CCDC83: variants seen among roughly 807,000 people sequenced by gnomAD.
CCDC83 encodes the protein coiled-coil domain containing 83.
Under a neutral mutation model 50.1 loss-of-function variants are expected in CCDC83, and 54 were observed. The ratio of observed to expected loss-of-function variants is 1.08; its 90% confidence interval spans 0.87 to 1.35. The LOEUF (loss-of-function observed/expected upper bound fraction) is 1.35, where lower values mean the gene tolerates loss of function less well. Ranked by LOEUF, CCDC83 falls within the 40% of genes most tolerant of loss-of-function variation. The pLI, the probability that CCDC83 is intolerant of heterozygous loss-of-function variation, is 0.00. For synonymous variants in CCDC83, 161 were observed against 153.3 expected (o/e 1.05, Z -0.37); for missense variants, 518 against 473.9 (o/e 1.09, Z -0.86).
In CCDC83 at chr11:85,892,849, C is replaced by T. The variant is rs574204763; in HGVS notation, c.512-2444C>T. 7.4e-4 allele frequency among the ~76,000 whole-genome samples: 112 copies of T among 152,240 alleles called. 1 individual carries two copies. The highest frequency in any genetic ancestry group is 1.0e-3 in the Non-Finnish European group (71 of 68,018). On this transcript the variant is annotated intron_variant, in intron 5 of 10. Transcript: ENST00000342404. ...GATTAGTTCAAATAAGTAAGAAAAA[C>T]GCAGGCTGTATAAACAGGAATATGT...
chr11:85,890,114 G>C (rs1294462803), intron 5 of CCDC83, among the ~76,000 whole-genome samples: 1 of 152,194 alleles, frequency 6.6e-6, no homozygotes, highest in Admixed American at 6.5e-5. Flanking sequence ...TGGGTGAAAG[G>C]TCTTCAGAGA....
upstream of CCDC83, chr11:85,855,236 C>T (rs907016640): frequency 6.6e-6 from 1 of 152,348 alleles, no homozygotes; most frequent in Non-Finnish European, 1.5e-5. Flanking sequence ...GACTGGCTGG[C>T]CTCTTTTCTT....
intron 3 of CCDC83, among the ~76,000 whole-genome samples, chr11:85,880,132 T>G (rs1033937904): frequency 1.3e-5 from 2 of 152,220 alleles, no homozygotes; most frequent in Admixed American, 1.3e-4. Context: ...CTTGTATATA[T>G]TTGCCCCCTG....
At chr11:85,913,003 T>C (rs1565157647) in intron 8 of CCDC83, among the ~76,000 whole-genome samples, 1 of 152,184 alleles carries the variant, frequency 6.6e-6, no homozygotes. Flanking sequence ...GGGATTTTCA[T>C]TGAGTTGTTT....
In CCDC83 at chr11:85,874,509, A is replaced by T. The variant is rs564618778; in HGVS notation, c.180+1214A>T. Among the ~76,000 whole-genome samples the T allele has an allele frequency of 7.9e-5, 12 of 152,354 alleles. 1 individual carries two copies. In the South Asian group the frequency reaches 2.5e-3, roughly 32 times the overall value. On this transcript the variant is annotated intron_variant, in intron 3 of 10. Coordinates refer to ENST00000342404, the MANE Select transcript of CCDC83 (RefSeq NM_001286159.2). ...TTGGCTCAAGAATGCACATTAGTGG[A>T]CCCAGCAGTGAGGAGCAAGGAAAGA...
intron 6 of CCDC83, among the ~76,000 whole-genome samples, chr11:85,898,125 C>G (rs1404617618): frequency 1.3e-5 from 2 of 151,606 alleles, no homozygotes; most frequent in East Asian, 3.9e-4. Flanking sequence ...CTATCACACT[C>G]CAGCCTGGGT....
intron 1 of CCDC83, among the ~76,000 whole-genome samples, chr11:85,859,564 A>G (rs1376999039): frequency 6.6e-6 from 1 of 152,224 alleles, no homozygotes; most frequent in Non-Finnish European, 1.5e-5. Context: ...ATAACAAACA[A>G]TGGGGAAAGA....
intron 3 of CCDC83, among the ~76,000 whole-genome samples, chr11:85,881,234 A>G (rs112645271): frequency 0.21 from 32,085 of 151,782 alleles, 3,764 homozygotes; most frequent in Middle Eastern, 0.22. Flanking sequence ...TTAGCCAGGT[A>G]TGGTGGTGGG....
At chr11:85,917,130 AAGAAAGAG>A (rs1230175647) in intron 10 of CCDC83, among the ~76,000 whole-genome samples, 55 of 69,516 alleles carry the variant, frequency 7.9e-4, no homozygotes, top group African/African-American at 1.5e-3. Flanking sequence ...AAAAAAGAAA[AAGAAAGAG>A]AGAGAGAGAG....
chr11:85,856,387 T>C (rs556810895), intron 1 of CCDC83, among the ~76,000 whole-genome samples: 10 of 152,276 alleles, frequency 6.6e-5, no homozygotes, highest in Admixed American at 5.9e-4. Context: ...TGCATATTTT[T>C]CCCTTATCCT....
At chr11:85,894,528 GCTTT>G (rs2093363844) in intron 5 of CCDC83, among the ~76,000 whole-genome samples, 1 of 152,110 alleles carries the variant, frequency 6.6e-6, no homozygotes, top group Non-Finnish European at 1.5e-5. Context: ...CTCAAAAAAA[GCTTT>G]CTCTGATCAC....
intron 7 of CCDC83, among the ~76,000 whole-genome samples, chr11:85,906,199 G>A (rs1173470047): frequency 1.3e-5 from 2 of 151,546 alleles, no homozygotes; most frequent in African/African-American, 2.4e-5. Context: ...CCAAGTAGCT[G>A]GGATTACAGC....
chr11:85,899,162 A>AG, intron 7 of CCDC83, 147 bp downstream of exon 7: 1 of 590,860 alleles, frequency 1.7e-6, no homozygotes, highest in Non-Finnish European at 3.0e-6. Flanking sequence ...TCCTCATCTC[A>AG]TTACAAGCTG....
At chr11:85,915,278 G>A (rs2093472550) in intron 8 of CCDC83, 141 bp from the exon 9 acceptor site, 9 of 605,232 alleles carry the variant, frequency 1.5e-5, no homozygotes, top group Non-Finnish European at 2.0e-5. Context: ...CACCCCACTG[G>A]GCTTTATGCT....
chr11:85,875,890 G>A (rs185091724), intron 3 of CCDC83, among the ~76,000 whole-genome samples: 1 of 152,208 alleles, frequency 6.6e-6, no homozygotes, highest in Non-Finnish European at 1.5e-5. Flanking sequence ...TACCTCATTA[G>A]ATGTTCCGTA....
chr11:85,882,435 G>A lies in CCDC83; in HGVS notation c.181-78G>A. 1.3e-5 allele frequency: 18 copies of A among 1,423,560 alleles called. No individual in the cohort carries two copies. The South Asian group carries it at 2.3e-4, about 18-fold the overall frequency. The allele number at this position is 1,423,560 out of a possible 1,614,324, so 88.2% of individuals were successfully genotyped here. A position where few individuals can be genotyped will look rare whatever the true frequency, so the allele number is the denominator to read the frequency against. On this transcript the variant is annotated intron_variant, in intron 3 of 10. Transcript: ENST00000342404. ...CCTTCCTGTGATACCCAAAGGCCGG[G>A]AACTTCTTGACTCTATTTTGAGGAA...
Position 85,855,553 on chromosome 11 carries a change from C to T in CCDC83, c.-60C>T, listed in dbSNP as rs1179478276. 1 of 152,422 alleles carries T rather than the reference C, an allele frequency of 6.6e-6. No individual in the cohort carries two copies. The highest frequency in any genetic ancestry group is 1.5e-5 in the Non-Finnish European group (1 of 68,192). 9.4% of individuals were successfully genotyped at this position (152,422 alleles called of 1,614,324 possible). On this transcript the variant is annotated 5_prime_UTR_variant, in exon 1 of 11. Transcript: ENST00000342404. ...AGAACCCCTGGATACATTATTTGCC[C>T]TCTCGAAAGGCAGGCTCTGAATTTG...
chr11:85,914,871 G>A (rs2093470402), intron 8 of CCDC83, among the ~76,000 whole-genome samples: 1 of 152,194 alleles, frequency 6.6e-6, no homozygotes, highest in East Asian at 1.9e-4. Context: ...TTAGATTCAT[G>A]GCAGAAGGGG....
intron 7 of CCDC83, among the ~76,000 whole-genome samples, chr11:85,902,086 A>T (rs1317112624): frequency 6.6e-6 from 1 of 151,936 alleles, no homozygotes; most frequent in East Asian, 1.9e-4. Flanking sequence ...ATGAAATAAT[A>T]GAAGAAAATT....
Sources: gnomAD v4.1 joint callset for allele counts (sites outside exome capture counted in the v4.1 genomes callset) on GRCh38, gnomAD v4.1.1 for gene constraint, MANE v1.5 for transcripts, NCBI Gene and HGNC (gene_info 2026-07-23, HGNC 2026-07-21) for gene names.